The following PLXNA3 variants were observed in gnomAD, a reference collection of about 807,000 sequenced individuals.
The protein encoded by PLXNA3 is plexin A3.
Under a neutral mutation model 118.8 loss-of-function variants are expected in PLXNA3, and 52 were observed. That is an observed-to-expected ratio of 0.44 (90% CI 0.35 to 0.55). The LOEUF is 0.55. Ranked by LOEUF, PLXNA3 falls within the 20% of genes least tolerant of loss-of-function variation. The pLI, the probability that PLXNA3 is intolerant of heterozygous loss-of-function variation, is 0.01. For synonymous variants in PLXNA3, 925 were observed against 762.4 expected (o/e 1.21, Z -3.51); for missense variants, 1,660 against 1,730.8 (o/e 0.96, Z 0.73).
rs781931954 is a variant in PLXNA3, at chrX:154,461,357, C to T, written c.853C>T (p.Arg285Cys). Residue 285 changes from arginine (R) to cysteine (C), a missense_variant, in exon 3 of 33, where the codon CGC becomes TGC. Arg to Cys is a radical substitution (Grantham distance 180). Coordinates refer to ENST00000369682, the MANE Select transcript of PLXNA3 (RefSeq NM_017514.5). ...GGAATTCCCCATCGGCTGCTCCTGG[C>T]GCGGCGTGGAGTACCGCTTGGTGCA... ...YVEFPIGCSWRGVEYRLVQSA... is the reference protein window; with the variant it reads ...YVEFPIGCSWCGVEYRLVQSA... 20 of 1,211,185 alleles carry T rather than the reference C, an allele frequency of 1.7e-5. No individual in the cohort carries two copies. The highest frequency in any genetic ancestry group is 6.5e-5 in the Admixed American group (3 of 46,088).
Position 154,469,094 on chromosome X carries a change from C to G in PLXNA3, c.4473C>G (p.Ala1491=). 2.5e-6 allele frequency: 3 copies of G among 1,211,407 alleles called. No individual in the cohort carries two copies. The highest frequency in any genetic ancestry group is 3.3e-6 in the Non-Finnish European group (3 of 895,528). Residue 1491 remains alanine (A), a synonymous_variant, in exon 26 of 33, where the codon GCC becomes GCG. Coordinates refer to ENST00000369682, the MANE Select transcript of PLXNA3 (RefSeq NM_017514.5). The part of the protein sequence containing the change: ...HCVCPENEGS[A]QVPVKVLNCD... ...TGTGTCCGGAGAACGAGGGCAGCGC[C>G]CAGGTCCCAGTGAAGGTTCTCAACT...
chrX:154,467,616 G>A lies in PLXNA3; in HGVS notation c.3513G>A (p.Pro1171=), dbSNP rs142993803. The A allele has an allele frequency of 7.1e-4, 857 of 1,207,683 alleles. 5 individuals are homozygous for A. The highest frequency in any genetic ancestry group is 4.1e-3 in the East Asian group (139 of 33,695). The change falls in exon 20 of 33, where the codon CCG becomes CCA. Residue 1171 remains proline, a synonymous_variant. Coordinates refer to ENST00000369682, the MANE Select transcript of PLXNA3 (RefSeq NM_017514.5). ...LNYTVLIGGQ[P]CSLTVSDTQL... ...ACACTGTGCTGATAGGAGGCCAGCC[G>A]TGTTCGCTCACTGTCTCGGACACAC...
rs781960238 is a variant in PLXNA3 at position 154,472,710 on chromosome X, G to T, written c.*25G>T. On this transcript the variant is annotated 3_prime_UTR_variant, in exon 33 of 33. Transcript: ENST00000369682. ...AGGTGGTGGAATCGGTGAGGAGGGG[G>T]CTTCTCAGTCCTGTGCCGTCCTCCC... 1 of 1,057,576 alleles carries T rather than the reference G, an allele frequency of 9.5e-7. No homozygotes were observed. Among genetic ancestry groups the T allele is most frequent in the African/African-American group, 1.8e-5 (1 of 54,438 alleles). The allele number at this position is 1,057,576 out of a possible 1,213,427, so 87.2% of individuals were successfully genotyped here.
Position 154,465,154 on chromosome X carries a change from G to A in PLXNA3, c.2180G>A (p.Gly727Glu). Residue 727 changes from glycine (G) to glutamate (E), a missense_variant, in exon 11 of 33, where the codon GGG becomes GAG. Transcript: ENST00000369682. Reference protein sequence around the residue: ...KNYECVVRVQGRQQRVPAVRF... With the variant: ...KNYECVVRVQERQQRVPAVRF... ...TATGAGTGCGTGGTGCGGGTGCAGG[G>A]GCGGCAGCAGCGGGTGCCTGCCGTG... 1 of 1,210,604 alleles carries A rather than the reference G, an allele frequency of 8.3e-7. No individual in the cohort carries two copies. Among genetic ancestry groups the A allele is most frequent in the South Asian group, 1.8e-5 (1 of 56,974 alleles).
chrX:154,465,931 A>C lies in PLXNA3; in HGVS notation c.2533-4A>C. 2.5e-6 allele frequency: 3 copies of C among 1,211,134 alleles called. No individual in the cohort carries two copies. On this transcript the variant is annotated splice_region_variant and splice_polypyrimidine_tract_variant and intron_variant, in intron 13 of 32. Transcript: ENST00000369682. ...ACTCTCTCACTGCCCATCCTGCTCC[A>C]CAGATCCACCCTCTCGTGGGGCCCA... is the stretch of plus-strand genomic sequence containing the variant.
At position 154,468,403 on chromosome X, in the gene PLXNA3, G is replaced by C; in HGVS notation, c.4064G>C (p.Ser1355Thr). The C allele has an allele frequency of 8.3e-7, 1 of 1,210,956 alleles. No homozygotes were observed. Among genetic ancestry groups the C allele is most frequent in the Non-Finnish European group, 1.1e-6 (1 of 895,378 alleles). Residue 1355 changes from serine (S) to threonine (T), a missense_variant, in exon 23 of 33, where the codon AGC becomes ACC. By Grantham distance (58) the Ser-to-Thr change is moderately conservative (BLOSUM62 1). Coordinates refer to ENST00000369682, the MANE Select transcript of PLXNA3 (RefSeq NM_017514.5). ...TFIHTLEAQSSFSMRDRGTVA... is the reference protein window; with the variant it reads ...TFIHTLEAQSTFSMRDRGTVA... ...ATCCACACGCTGGAGGCCCAGAGCA[G>C]CTTCTCCATGCGCGACCGCGGCACC...
chrX:154,461,283 C>A lies in PLXNA3; in HGVS notation c.779C>A (p.Ser260Tyr). 1 of 1,212,350 alleles carries A rather than the reference C, an allele frequency of 8.2e-7. No homozygotes were observed. The highest frequency in any genetic ancestry group is 1.1e-6 in the Non-Finnish European group (1 of 895,501). The change falls in exon 3 of 33, where the codon TCC (serine) becomes TAC (tyrosine). Residue 260 changes from serine to tyrosine, a missense_variant. Ser to Tyr is a moderately radical substitution (Grantham distance 144). Coordinates refer to ENST00000369682, the MANE Select transcript of PLXNA3 (RefSeq NM_017514.5). ...ACAGCGGGCGAGAAATTTTTCACGT[C>A]CAAGATCGTGCGCATGTGCGCGGGA... ...LDTAGEKFFT[S>Y]KIVRMCAGDS...
Position 154,467,084 on chromosome X carries a change from G to A in PLXNA3, c.3135G>A (p.Gly1045=). 8.3e-7 allele frequency: 1 copy of A among 1,210,403 alleles called. No homozygotes were observed. Among genetic ancestry groups the A allele is most frequent in the Non-Finnish European group, 1.1e-6 (1 of 894,982 alleles). ...INGSTAITVS[G]THLLTVQEPR... ...GAAGCACTGCCATCACTGTGAGTGG[G>A]ACCCACCTGCTGACGGTCCAGGAGC... is the stretch of plus-strand genomic sequence containing the variant. Residue 1045 remains glycine, a synonymous_variant, in exon 18 of 33, where the codon GGG becomes GGA. Transcript: ENST00000369682.
chrX:154,460,832 G>A, intron 2 of PLXNA3, 55 bp downstream of exon 2: 1 of 895,605 alleles, frequency 1.1e-6, no homozygotes, highest in Non-Finnish European at 1.5e-6. Flanking sequence ...CTGCCTCCCA[G>A]AAGAGCCCTG....
rs782159661 is a variant in PLXNA3, at chrX:154,468,110, T to C, written c.3849T>C (p.Asn1283=). Residue 1283 remains asparagine (N), a synonymous_variant, in exon 22 of 33, where the codon AAT becomes AAC. Transcript: ENST00000369682. ...EAFAELQTDI[N]ELTNHMDEVQ... ...TTGCAGAGCTGCAGACGGACATCAA[T>C]GAGCTGACTAACCACATGGACGAGG... 46 of 1,189,938 alleles carry C rather than the reference T, an allele frequency of 3.9e-5. No homozygotes were observed. The highest frequency in any genetic ancestry group is 5.1e-5 in the Non-Finnish European group (45 of 882,872).
Position 154,460,900 on chromosome X carries a change from A to G in PLXNA3, c.594+123A>G, listed in dbSNP as rs782017127. Reference sequence around the variant, plus strand: ...TGTCTGGGATGCAGACAGGTTGCGGAGGGTGGGATGACAGCCTGAACCCAG... The same window carrying G: ...TGTCTGGGATGCAGACAGGTTGCGGGGGGTGGGATGACAGCCTGAACCCAG... On this transcript the variant is annotated intron_variant, in intron 2 of 32. Transcript: ENST00000369682. 2.5e-3 allele frequency: 1,593 copies of G among 638,793 alleles called. 1 individual carries two copies. Among genetic ancestry groups the G allele is most frequent in the Non-Finnish European group, 3.4e-3 (1,465 of 431,198 alleles). The allele number at this position is 638,793 out of a possible 1,213,427, so 52.6% of individuals were successfully genotyped here. A position where few individuals can be genotyped will look rare whatever the true frequency, so the allele number is the denominator to read the frequency against.
rs1259860516 is a variant in PLXNA3 at position 154,469,159 on chromosome X, C to T, written c.4538C>T (p.Thr1513Ile). 3 of 1,210,195 alleles carry T rather than the reference C, an allele frequency of 2.5e-6. No individual in the cohort carries two copies. The highest frequency in any genetic ancestry group is 3.5e-5 in the African/African-American group (2 of 57,539). Residue 1513 changes from threonine (T) to isoleucine (I), a missense_variant, in exon 26 of 33, where the codon ACT (threonine) becomes ATT (isoleucine). Physicochemically the swap from Thr to Ile is moderately conservative, Grantham distance 89 (BLOSUM62 -1). This residue lies in a region of PLXNA3 where 869 missense variants were observed against 1,078.7 expected (regional missense o/e 0.81). Transcript: ENST00000369682. ...CAGGCCAAAGATAAGCTGCTGGACA[C>T]TGTGTACAAGGGCATTCCGTACTCC... is the stretch of plus-strand genomic sequence containing the variant. ...ITQAKDKLLD[T>I]VYKGIPYSQR...
In PLXNA3 at chrX:154,460,289, C is replaced by G. The variant is rs2068921681; in HGVS notation, c.106C>G (p.Leu36Val). ...GGTGACAGACACCACGCTTACCCAC[C>G]TGGCTGTGCACCGGGTGACTGGGGA... ...FVVTDTTLTH[L>V]AVHRVTGEVF... The change falls in exon 2 of 33, where the codon CTG (leucine) becomes GTG (valine). Residue 36 changes from leucine (L) to valine (V), a missense_variant. By Grantham distance (32) the Leu-to-Val change is conservative. This residue lies in a region of PLXNA3 where 791 missense variants were observed against 652.1 expected (regional missense o/e 1.21). Transcript: ENST00000369682. 1.7e-6 allele frequency: 2 copies of G among 1,209,927 alleles called. No homozygotes were observed. The highest frequency in any genetic ancestry group is 2.2e-6 in the Non-Finnish European group (2 of 894,108).
chrX:154,459,925 G>A (rs1469940516), intron 1 of PLXNA3, among the ~76,000 whole-genome samples: 3 of 113,193 alleles, frequency 2.7e-5, no homozygotes, highest in African/African-American at 9.6e-5. Context: ...CTACCCCCTT[G>A]GGTGTGGCCC....
Position 154,460,816 on chromosome X carries a change from C to T in PLXNA3, c.594+39C>T, listed in dbSNP as rs375149546. 3.1e-6 allele frequency: 3 copies of T among 964,784 alleles called. No individual in the cohort carries two copies. In the African/African-American group the frequency reaches 5.8e-5, roughly 19 times the overall value. The allele number at this position is 964,784 out of a possible 1,213,427, so 79.5% of individuals were successfully genotyped here. A position where few individuals can be genotyped will look rare whatever the true frequency, so the allele number is the denominator to read the frequency against. The stretch of plus-strand genomic sequence containing the variant: ...CCTTCTCTTCTTCCTCCACCCAGTC[C>T]TGGCTCTGCCTCCCAGAAGAGCCCT... On this transcript the variant is annotated intron_variant, in intron 2 of 32. Transcript: ENST00000369682.
In PLXNA3 at chrX:154,476,757, G is replaced by A. The variant is rs1165557739; in HGVS notation, c.*4072G>A. 8.9e-6 allele frequency: 1 copy of A among 111,876 alleles called. No individual in the cohort carries two copies. Among genetic ancestry groups the A allele is most frequent in the Non-Finnish European group, 1.9e-5 (1 of 53,170 alleles). The allele number at this position is 111,876 out of a possible 1,213,427, so 9.2% of individuals were successfully genotyped here. On this transcript the variant is annotated 3_prime_UTR_variant, in exon 33 of 33. Coordinates refer to ENST00000369682, the MANE Select transcript of PLXNA3 (RefSeq NM_017514.5). ...GCAGAGTATTAAAAAACTGGCTGTG[G>A]GCCAGTGAGGGACAGCGACGTGTGG...
rs782177502 is a variant in PLXNA3 at position 154,470,507 on chromosome X, G to A, written c.5052G>A (p.Ser1684=). ...ETVFSTAHRG[S]ALPLAIKYMF... Reference sequence around the variant, plus strand: ...TGTTCAGCACAGCCCACCGGGGCTCGGCCCTGCCCCTGGCCATCAAGTACA... The same window carrying A: ...TGTTCAGCACAGCCCACCGGGGCTCAGCCCTGCCCCTGGCCATCAAGTACA... The change falls in exon 30 of 33, where the codon TCG becomes TCA. Residue 1684 remains serine (S), a synonymous_variant. Coordinates refer to ENST00000369682, the MANE Select transcript of PLXNA3 (RefSeq NM_017514.5). The A allele has an allele frequency of 1.1e-5, 13 of 1,211,178 alleles. No individual in the cohort carries two copies. The highest frequency in any genetic ancestry group is 1.8e-5 in the South Asian group (1 of 57,034).
chrX:154,468,795 C>T, intron 24 of PLXNA3, 28 bp from the exon 25 acceptor site: 1 of 1,211,256 alleles, frequency 8.3e-7, no homozygotes, highest in Non-Finnish European at 1.1e-6. Context: ...AGGCAGGCAG[C>T]CAGCTGTGCA....
chrX:154,459,945 G>A (rs1237290701), intron 1 of PLXNA3, among the ~76,000 whole-genome samples: 6 of 113,052 alleles, frequency 5.3e-5, no homozygotes, highest in African/African-American at 9.6e-5. Context: ...CAGCTGAGGC[G>A]AGGCCTCCTG....
Sources: allele counts gnomAD v4.1 joint callset (sites outside exome capture counted in the v4.1 genomes callset), GRCh38; gene constraint gnomAD v4.1.1; regional missense constraint gnomAD v4.1.1; transcripts MANE v1.5; gene names NCBI Gene and HGNC (gene_info 2026-07-23, HGNC 2026-07-21).